CRYZL1: variants seen among roughly 807,000 people sequenced by gnomAD.
The protein encoded by CRYZL1 is ferry endosomal RAB5 effector complex subunit 4.
In CRYZL1, 34 loss-of-function variants were observed where a neutral mutation model predicts 50.6. The observed-to-expected ratio is 0.67, with a 90% CI of 0.51 to 0.89. The LOEUF (loss-of-function observed/expected upper bound fraction) is 0.89, where lower values mean the gene tolerates loss of function less well. CRYZL1 is among the 40% of genes least tolerant of loss of function. The pLI is 0.00. For missense variants in CRYZL1, 354 were observed against 402.3 expected (o/e 0.88, Z 1.03); for synonymous variants, 125 against 134.3 (o/e 0.93, Z 0.48).
intron 6 of CRYZL1, among the ~76,000 whole-genome samples, chr21:33,606,317 T>C (rs889655708): frequency 1.3e-5 from 2 of 152,188 alleles, no homozygotes; most frequent in Non-Finnish European, 2.9e-5. Flanking sequence ...AACTCAATCA[T>C]GTTGTCCTTA....
chr21:33,606,995 A>T (rs559416956), intron 6 of CRYZL1, among the ~76,000 whole-genome samples: 56 of 152,226 alleles, frequency 3.7e-4, no homozygotes, highest in Non-Finnish European at 7.2e-4. Context: ...AGCCTGGGCA[A>T]CAAGAGTGCA....
At chr21:33,607,473 C>CA (rs1006108795) in intron 6 of CRYZL1, among the ~76,000 whole-genome samples, 1 of 151,324 alleles carries the variant, frequency 6.6e-6, no homozygotes, top group African/African-American at 2.4e-5. Flanking sequence ...ACAGTTTCTA[C>CA]AAAAAAAAGT....
chr21:33,621,607 C>T (rs975329944), intron 4 of CRYZL1, among the ~76,000 whole-genome samples: 10 of 152,178 alleles, frequency 6.6e-5, no homozygotes, highest in Non-Finnish European at 2.9e-5. Context: ...TCCCAAAGTG[C>T]TGGGATTACA....
intron 3 of CRYZL1, among the ~76,000 whole-genome samples, chr21:33,623,888 G>T (rs1282362914): frequency 1.3e-5 from 2 of 151,992 alleles, no homozygotes; most frequent in Non-Finnish European, 2.9e-5. Flanking sequence ...ATTACTGCAG[G>T]GTAATGTGAG....
At chr21:33,610,583 A>T (rs528365983) in intron 6 of CRYZL1, among the ~76,000 whole-genome samples, 2 of 152,312 alleles carry the variant, frequency 1.3e-5, no homozygotes, top group Admixed American at 1.3e-4. Flanking sequence ...AAGGTAGAAG[A>T]AAAAGGCCAT....
At chr21:33,626,462 C>T (rs377618596) in intron 2 of CRYZL1, among the ~76,000 whole-genome samples, 6 of 151,626 alleles carry the variant, frequency 4.0e-5, no homozygotes, top group East Asian at 2.0e-4. Flanking sequence ...TTTGGGAGGC[C>T]GAGGTAAGTG....
At chr21:33,599,841 CCTAAG>C (rs2086732456) in intron 8 of CRYZL1, among the ~76,000 whole-genome samples, 4 of 151,724 alleles carry the variant, frequency 2.6e-5, no homozygotes, top group African/African-American at 7.3e-5. Context: ...TGCTATGTTG[CCTAAG>C]CTATTTTTGA....
At chr21:33,637,772 TATATATATATATATATAC>T (rs984222396) in intron 1 of CRYZL1, among the ~76,000 whole-genome samples, 2 of 146,010 alleles carry the variant, frequency 1.4e-5, no homozygotes, top group African/African-American at 5.1e-5. Flanking sequence ...TATATATATA[TATATATATATATATATAC>T]ACACACACAC....
intron 1 of CRYZL1, among the ~76,000 whole-genome samples, chr21:33,634,883 A>G (rs2087185420): frequency 9.7e-5 from 1 of 10,354 alleles, no homozygotes. Context: ...CAACAACAAT[A>G]TATATATATA....
chr21:33,632,580 G>T (rs571845392), intron 1 of CRYZL1, among the ~76,000 whole-genome samples: 1 of 151,766 alleles, frequency 6.6e-6, no homozygotes, highest in Non-Finnish European at 1.5e-5. Context: ...GATTCACCAC[G>T]TTGGCCAGGC....
At chr21:33,633,838 T>C (rs2087169153) in intron 1 of CRYZL1, 1 of 152,248 alleles carries the variant, frequency 6.6e-6, no homozygotes, top group Admixed American at 6.5e-5. Context: ...AATTTCAAGA[T>C]AGCAGAGCAT....
chr21:33,617,852 T>C (rs1164776017), intron 4 of CRYZL1, among the ~76,000 whole-genome samples: 1 of 152,176 alleles, frequency 6.6e-6, no homozygotes, highest in Non-Finnish European at 1.5e-5. Context: ...CATTTCTGCC[T>C]TTTAGTTTTT....
At chr21:33,641,741 CAG>C (rs755611040), upstream of CRYZL1, 1 of 159,626 alleles carries the variant, frequency 6.3e-6, no homozygotes, top group Non-Finnish European at 1.4e-5. Flanking sequence ...AGTCCTTCGT[CAG>C]AGAGCCCGCC....
chr21:33,629,557 C>T (rs1053276188), intron 2 of CRYZL1, among the ~76,000 whole-genome samples: 1 of 152,216 alleles, frequency 6.6e-6, no homozygotes, highest in East Asian at 1.9e-4. Context: ...GCCACCATGC[C>T]CAGCCTCCTA....
At chr21:33,595,621 A>C in intron 11 of CRYZL1, 110 bp downstream of exon 11, 2 of 1,513,016 alleles carry the variant, frequency 1.3e-6, no homozygotes, top group Non-Finnish European at 1.8e-6. Context: ...TACTGTTTGG[A>C]ATACTTAAGG....
chr21:33,603,467 T>C lies in CRYZL1; in HGVS notation c.402A>G (p.Thr134=), dbSNP rs759385737. ...GSIRDGVRAY[T]ALHYLSHLSP... is the part of the protein sequence containing the mutation. ...AGAGATGAGAAAGATAATGCAGAGC[T>C]GTATAGGCACGCACTCCATCCCGAA... The change falls in exon 7 of 13, where the codon ACA becomes ACG. Residue 134 remains threonine (T), a synonymous_variant. Transcript: ENST00000381554. 6 of 1,614,192 alleles carry C rather than the reference T, an allele frequency of 3.7e-6. No homozygotes were observed. The East Asian group carries it at 1.3e-4, about 36-fold the overall frequency.
At position 33,616,642 on chromosome 21, in the gene CRYZL1, A is replaced by G. The variant is rs759046401; in HGVS notation, c.262+64T>C. ...GGTCACAGTGAACATTAATAGTTAT[A>G]TAGAAAAAACAGAGATGACGGTAAA... On this transcript the variant is annotated intron_variant, in intron 5 of 12. Transcript: ENST00000381554. The G allele has an allele frequency of 8.1e-6, 13 of 1,602,980 alleles. No homozygotes were observed. In the South Asian group the frequency reaches 1.0e-4, roughly 12 times the overall value.
intron 5 of CRYZL1, among the ~76,000 whole-genome samples, chr21:33,613,911 G>A (rs922718485): frequency 5.9e-5 from 9 of 152,050 alleles, no homozygotes; most frequent in South Asian, 2.1e-4. Context: ...GGTGGCTCAC[G>A]CCTGTAATCC....
chr21:33,614,005 T>C (rs1418685893), intron 5 of CRYZL1, among the ~76,000 whole-genome samples: 1 of 151,928 alleles, frequency 6.6e-6, no homozygotes, highest in Non-Finnish European at 1.5e-5. Flanking sequence ...ACCCTGTCTC[T>C]ACTAAAAATA....
Sources: gnomAD v4.1 joint callset for allele counts (sites outside exome capture counted in the v4.1 genomes callset) on GRCh38, gnomAD v4.1.1 for gene constraint, MANE v1.5 for transcripts, NCBI Gene and HGNC (gene_info 2026-07-23, HGNC 2026-07-21) for gene names.